MAPK10: variants seen among roughly 807,000 people sequenced by gnomAD.
MAPK10 encodes the protein mitogen-activated protein kinase 10.
A neutral mutation model predicts 59.3 loss-of-function variants in MAPK10; 25 were observed. That is an observed-to-expected ratio of 0.42 (90% CI 0.31 to 0.59). MAPK10 has a LOEUF of 0.59. Among genes scored for constraint, MAPK10 ranks in the 20% least tolerant of loss-of-function variants. The pLI is 0.15. For synonymous variants in MAPK10, 190 were observed against 200.5 expected (o/e 0.95, Z 0.44); for missense variants, 351 against 568.9 (o/e 0.62, Z 3.90).
chr4:86,173,920 G>T (rs2075025887), intron 3 of MAPK10, among the ~76,000 whole-genome samples: 1 of 125,416 alleles, frequency 8.0e-6, no homozygotes, highest in African/African-American at 3.5e-5. Flanking sequence ...ACCACAATGA[G>T]ATAACATCTC....
chr4:86,198,848 TA>T (rs2081992688), intron 2 of MAPK10, among the ~76,000 whole-genome samples: 2 of 151,796 alleles, frequency 1.3e-5, no homozygotes, highest in Admixed American at 6.6e-5. Context: ...TGAGAATCTA[TA>T]AAAAGCTCCT....
intron 1 of MAPK10, among the ~76,000 whole-genome samples, chr4:86,414,378 C>A (rs892524439): frequency 6.6e-6 from 1 of 152,060 alleles, no homozygotes; most frequent in Non-Finnish European, 1.5e-5. Context: ...CATTGGGGCA[C>A]GTGTGATCTA....
At chr4:86,287,556 C>A (rs12511071) in intron 2 of MAPK10, among the ~76,000 whole-genome samples, 3,575 of 152,216 alleles carry the variant, frequency 0.023, 62 homozygotes, top group South Asian at 0.057. Flanking sequence ...AAGCATCAGG[C>A]GTTCTAAAAA....
At chr4:86,110,596 A>AT (rs922659787) in intron 4 of MAPK10, among the ~76,000 whole-genome samples, 3 of 150,624 alleles carry the variant, frequency 2.0e-5, no homozygotes, top group Non-Finnish European at 4.5e-5. Context: ...TATCTTTTTC[A>AT]TTTTTTTGTA....
At chr4:86,376,846 C>T (rs1485748938) in intron 1 of MAPK10, among the ~76,000 whole-genome samples, 2 of 152,162 alleles carry the variant, frequency 1.3e-5, no homozygotes, top group Non-Finnish European at 2.9e-5. Context: ...TTCTACATTC[C>T]TAAATGAAAC....
chr4:86,536,903 G>C (rs904317736), intron 1 of MAPK10, among the ~76,000 whole-genome samples: 8 of 152,104 alleles, frequency 5.3e-5, no homozygotes, highest in Admixed American at 2.0e-4. Context: ...TTTCAGCAGA[G>C]ACAAGTAGGA....
At chr4:86,141,956 T>C (rs1454437145) in intron 4 of MAPK10, among the ~76,000 whole-genome samples, 2 of 152,124 alleles carry the variant, frequency 1.3e-5, no homozygotes, top group Non-Finnish European at 2.9e-5. Context: ...AAAGGGAAAG[T>C]GAACATGTGC....
At chr4:86,167,754 C>A (rs1356543866) in intron 3 of MAPK10, among the ~76,000 whole-genome samples, 1 of 152,136 alleles carries the variant, frequency 6.6e-6, no homozygotes, top group African/African-American at 2.4e-5. Flanking sequence ...AACCCACAAC[C>A]AATATCCCAC....
intron 1 of MAPK10, among the ~76,000 whole-genome samples, chr4:86,377,458 G>A (rs550366326): frequency 6.6e-6 from 1 of 152,336 alleles, no homozygotes; most frequent in Non-Finnish European, 1.5e-5. Context: ...CTTGGTGAAG[G>A]AGAAGAGCCA....
intron 9 of MAPK10, chr4:86,089,108 G>A (rs1455010636): frequency 3.4e-6 from 3 of 885,646 alleles, no homozygotes; most frequent in African/African-American, 1.7e-5. Flanking sequence ...ACTCTCTAAG[G>A]ACAGTGAACA....
At chr4:86,129,824 A>C (rs1051420321) in intron 4 of MAPK10, among the ~76,000 whole-genome samples, 6 of 152,134 alleles carry the variant, frequency 3.9e-5, no homozygotes, top group Non-Finnish European at 7.4e-5. Context: ...AAACATTAAT[A>C]AGCTCAAAAA....
chr4:86,112,385 C>T (rs1023154047), intron 4 of MAPK10, among the ~76,000 whole-genome samples: 3 of 152,026 alleles, frequency 2.0e-5, no homozygotes, highest in African/African-American at 4.8e-5. Flanking sequence ...ACTGCTTTAG[C>T]TGCATCCCAG....
intron 11 of MAPK10, among the ~76,000 whole-genome samples, chr4:86,033,080 G>C (rs146142954): frequency 4.1e-4 from 63 of 152,324 alleles, no homozygotes; most frequent in Non-Finnish European, 7.4e-4. Context: ...GGACCTGACT[G>C]AGGTAGAACC....
chr4:86,294,703 A>G (rs1173076046), intron 2 of MAPK10, among the ~76,000 whole-genome samples: 3 of 152,190 alleles, frequency 2.0e-5, no homozygotes, highest in Non-Finnish European at 2.9e-5. Context: ...AACAAAGCTC[A>G]GTGGTCTCAT....
chr4:86,084,332 T>C (rs771683296), intron 9 of MAPK10, among the ~76,000 whole-genome samples: 9 of 152,208 alleles, frequency 5.9e-5, no homozygotes, highest in Non-Finnish European at 1.0e-4. Context: ...TGTTTGCAGA[T>C]GATATGATGT....
intron 9 of MAPK10, among the ~76,000 whole-genome samples, chr4:86,074,719 GC>G (rs953643506): frequency 7.0e-6 from 1 of 142,910 alleles, no homozygotes; most frequent in Non-Finnish European, 1.5e-5. Flanking sequence ...TTGAATATTA[GC>G]CCCCACTCTC....
intron 1 of MAPK10, among the ~76,000 whole-genome samples, chr4:86,504,062 C>T (rs1483178614): frequency 1.3e-5 from 2 of 152,070 alleles, no homozygotes; most frequent in Non-Finnish European, 2.9e-5. Flanking sequence ...GTAACATTCC[C>T]CCCAGCCTAC....
chr4:86,468,990 A>G (rs561363808), intron 1 of MAPK10, among the ~76,000 whole-genome samples: 14 of 152,330 alleles, frequency 9.2e-5, no homozygotes, highest in Admixed American at 2.6e-4. Flanking sequence ...CAAATGAAGA[A>G]AGTGGGAATG....
chr4:86,132,170 G>C (rs879348885), intron 4 of MAPK10, among the ~76,000 whole-genome samples: 1 of 152,094 alleles, frequency 6.6e-6, no homozygotes, highest in Non-Finnish European at 1.5e-5. Flanking sequence ...TAAAGGTCTC[G>C]ATGAGTTAAT....
Sources: gnomAD v4.1 joint callset for allele counts (sites outside exome capture counted in the v4.1 genomes callset) on GRCh38, gnomAD v4.1.1 for gene constraint, MANE v1.5 for transcripts, NCBI Gene and HGNC (gene_info 2026-07-23, HGNC 2026-07-21) for gene names.